SPTBN1: variants seen among roughly 807,000 people sequenced by gnomAD.
SPTBN1 encodes spectrin beta, non-erythrocytic 1.
In SPTBN1, 32 loss-of-function variants were observed where a neutral mutation model predicts 266.4. That is an observed-to-expected ratio of 0.12 (90% CI 0.09 to 0.16). The LOEUF (loss-of-function observed/expected upper bound fraction) is 0.16. SPTBN1 is among the 10% of genes least tolerant of loss of function. The pLI, the probability that SPTBN1 is intolerant of heterozygous loss-of-function variation, is 1.00. For synonymous variants in SPTBN1, 1,336 were observed against 1,162.2 expected (o/e 1.15, Z -3.04); for missense variants, 2,296 against 3,067.1 (o/e 0.75, Z 5.94).
chr2:54,564,079 A>T (rs1387443554), intron 2 of SPTBN1, among the ~76,000 whole-genome samples: 6 of 152,230 alleles, frequency 3.9e-5, no homozygotes. Flanking sequence ...GGCATGGAAG[A>T]TTAATGTGTT....
intron 2 of SPTBN1, among the ~76,000 whole-genome samples, chr2:54,563,525 T>C (rs1053284766): frequency 3.3e-5 from 5 of 152,146 alleles, no homozygotes; most frequent in African/African-American, 4.8e-5. Context: ...TCTTAATTTT[T>C]TAAATTTCTT....
intron 18 of SPTBN1, among the ~76,000 whole-genome samples, chr2:54,639,257 G>A (rs1008133394): frequency 1.3e-5 from 2 of 152,252 alleles, no homozygotes; most frequent in Non-Finnish European, 2.9e-5. Flanking sequence ...GGTAATACCA[G>A]TTGCCATTTT....
At chr2:54,654,515 T>A (rs1369892092) in intron 27 of SPTBN1, among the ~76,000 whole-genome samples, 1 of 152,214 alleles carries the variant, frequency 6.6e-6, no homozygotes, top group Admixed American at 6.5e-5. Flanking sequence ...TGATATATAT[T>A]TTTTTGAAGC....
At chr2:54,593,085 CCTT>C (rs1296503046) in intron 2 of SPTBN1, among the ~76,000 whole-genome samples, 1 of 152,208 alleles carries the variant, frequency 6.6e-6, no homozygotes, top group Non-Finnish European at 1.5e-5. Context: ...ATAATTTACT[CCTT>C]CTGGGAATCA....
Position 54,649,538 on chromosome 2 carries a change from C to T in SPTBN1, c.5203-77C>T. On this transcript the variant is annotated intron_variant, in intron 25 of 35. Coordinates refer to ENST00000356805, the MANE Select transcript of SPTBN1 (RefSeq NM_003128.3). The surrounding 1 kb of genome is among the most constrained non-coding windows in gnomAD (Gnocchi z 6.7). ...CATCTTGCTTAGAGGCAGTTTCTTT[C>T]CAAAGGGTATTCATGTGATCAAGAA... 1 of 1,535,350 alleles carries T rather than the reference C, an allele frequency of 6.5e-7. No homozygotes were observed. The highest frequency in any genetic ancestry group is 8.8e-7 in the Non-Finnish European group (1 of 1,139,078).
intron 1 of SPTBN1, among the ~76,000 whole-genome samples, chr2:54,494,502 A>G (rs1668862356): frequency 6.6e-6 from 1 of 152,236 alleles, no homozygotes; most frequent in Non-Finnish European, 1.5e-5. Flanking sequence ...CATGTCCATC[A>G]TGGGTGAATG....
intron 2 of SPTBN1, among the ~76,000 whole-genome samples, chr2:54,529,030 C>G (rs1056760838): frequency 6.6e-6 from 1 of 152,204 alleles, no homozygotes; most frequent in Non-Finnish European, 1.5e-5. Flanking sequence ...AAACTATATG[C>G]TGATAGCAGG....
chr2:54,590,539 T>C (rs966382621), intron 2 of SPTBN1, among the ~76,000 whole-genome samples: 1 of 152,210 alleles, frequency 6.6e-6, no homozygotes, highest in African/African-American at 2.4e-5. Context: ...ACAAGACGTA[T>C]AATAAAAGAT....
chr2:54,496,311 G>A (rs760094995), intron 1 of SPTBN1, among the ~76,000 whole-genome samples: 33 of 151,722 alleles, frequency 2.2e-4, no homozygotes, highest in Non-Finnish European at 4.3e-4. Context: ...GTTGGCGGGC[G>A]CCTGTAATCC....
chr2:54,644,483 G>C lies in SPTBN1; in HGVS notation c.4166G>C (p.Cys1389Ser), dbSNP rs763159763. The C allele has an allele frequency of 2.5e-6, 4 of 1,614,122 alleles. No individual in the cohort carries two copies. Among genetic ancestry groups the C allele is most frequent in the Non-Finnish European group, 3.4e-6 (4 of 1,180,052 alleles). The change falls in exon 20 of 36, where the codon TGT becomes TCT. Residue 1389 changes from cysteine to serine, a missense_variant. This residue lies in a region of SPTBN1 where 386 missense variants were observed against 486.1 expected (regional missense o/e 0.79). Transcript: ENST00000356805. Reference sequence around the variant, plus strand: ...AAGGCCGAACTTTTCACCCAGAGCTGTGCAGATCTAGACAAATGGCTGCAC... The same window carrying C: ...AAGGCCGAACTTTTCACCCAGAGCTCTGCAGATCTAGACAAATGGCTGCAC... The part of the protein sequence containing the change: ...ANKAELFTQS[C>S]ADLDKWLHGL...
chr2:54,468,504 A>G (rs2103843597), intron 1 of SPTBN1, among the ~76,000 whole-genome samples: 1 of 152,294 alleles, frequency 6.6e-6, no homozygotes, highest in Admixed American at 6.5e-5. Context: ...CTATAATGAC[A>G]TGATGATGTT....
intron 1 of SPTBN1, among the ~76,000 whole-genome samples, chr2:54,501,733 C>A (rs1193029601): frequency 6.6e-6 from 1 of 152,146 alleles, no homozygotes; most frequent in African/African-American, 2.4e-5. Context: ...TACCTGGATG[C>A]CCTTTGCTGG....
At chr2:54,591,516 T>C (rs1675681690) in intron 2 of SPTBN1, among the ~76,000 whole-genome samples, 1 of 152,210 alleles carries the variant, frequency 6.6e-6, no homozygotes, top group Admixed American at 6.5e-5. Flanking sequence ...TTCAGACTAC[T>C]TGAAAAGTAA....
chr2:54,650,118 C>A, intron 26 of SPTBN1, 129 bp downstream of exon 26: 1 of 1,215,136 alleles, frequency 8.2e-7, no homozygotes, highest in Non-Finnish European at 1.1e-6. Flanking sequence ...CATACATGTA[C>A]CCACTTTGTA....
At chr2:54,618,404 G>T (rs1367755586) in intron 7 of SPTBN1, among the ~76,000 whole-genome samples, 1 of 152,256 alleles carries the variant, frequency 6.6e-6, no homozygotes, top group Non-Finnish European at 1.5e-5. Flanking sequence ...GTCTGAAGGA[G>T]AGCGTGTGCG....
At chr2:54,632,505 G>C in intron 16 of SPTBN1, 61 bp from the exon 17 acceptor site, 1 of 1,525,980 alleles carries the variant, frequency 6.6e-7, no homozygotes, top group East Asian at 2.3e-5. Context: ...CGGAAATGTA[G>C]AACACAGGAA....
In SPTBN1 at chr2:54,533,143, G is replaced by GT. The variant is rs1290105520; in HGVS notation, c.148+6578dup. 5.3e-5 allele frequency among the ~76,000 whole-genome samples: 8 copies of GT among 152,302 alleles called. No individual in the cohort carries two copies. The highest frequency in any genetic ancestry group is 3.9e-4 in the Admixed American group (6 of 15,302). On this transcript the variant is annotated intron_variant, in intron 2 of 35. Coordinates refer to ENST00000356805, the MANE Select transcript of SPTBN1 (RefSeq NM_003128.3). This position sits in a 1 kb window ranked among gnomAD's most constrained non-coding sequence, Gnocchi z 4.2. The stretch of plus-strand genomic sequence containing the variant: ...AAGTGACTAACAGGGAGCGTCTGCA[G>GT]TGTGTGTCTGCTGGACAAAGGGATG...
intron 1 of SPTBN1, among the ~76,000 whole-genome samples, chr2:54,458,320 A>C (rs552507101): frequency 1.4e-4 from 22 of 152,314 alleles, no homozygotes; most frequent in African/African-American, 5.3e-4. Flanking sequence ...ATGGATAGTA[A>C]ATGATTCCTT....
At chr2:54,575,981 T>C (rs927155298) in intron 2 of SPTBN1, among the ~76,000 whole-genome samples, 3 of 149,446 alleles carry the variant, frequency 2.0e-5, no homozygotes, top group Non-Finnish European at 4.4e-5. Context: ...GTTTAGGTTA[T>C]GGTAGCAGGG....
Sources: allele counts gnomAD v4.1 joint callset (sites outside exome capture counted in the v4.1 genomes callset), GRCh38; gene constraint gnomAD v4.1.1; regional missense constraint gnomAD v4.1.1; non-coding constraint Gnocchi (gnomAD v3.1); transcripts MANE v1.5; gene names NCBI Gene and HGNC (gene_info 2026-07-23, HGNC 2026-07-21).